The following NFATC3 variants were observed in gnomAD, a reference collection of about 807,000 sequenced individuals.
The protein encoded by NFATC3 is nuclear factor of activated T cells 3.
A neutral mutation model predicts 98.6 loss-of-function variants in NFATC3; 46 were observed. That is an observed-to-expected ratio of 0.47 (90% CI 0.37 to 0.60). The LOEUF (loss-of-function observed/expected upper bound fraction) is 0.60, where lower values mean the gene tolerates loss of function less well. Among genes scored for constraint, NFATC3 ranks in the 20% least tolerant of loss-of-function variants. The probability of loss-of-function intolerance (pLI) is 0.00; values close to 1 mark genes in which losing one functional copy is unlikely to be tolerated. For synonymous variants in NFATC3, 512 were observed against 472.2 expected, an observed-to-expected ratio of 1.08 and a Z score of -1.09; for missense variants, 1,256 against 1,295.5, an observed-to-expected ratio of 0.97 and a Z score of 0.47.
chr16:68,168,053 C>T (rs1008321218), intron 5 of NFATC3, among the ~76,000 whole-genome samples: 6 of 151,648 alleles, frequency 4.0e-5, no homozygotes, highest in African/African-American at 9.7e-5. Context: ...AGGCTGCCCT[C>T]GAAATCCTGA....
intron 3 of NFATC3, chr16:68,138,679 G>A (rs1298500938): frequency 3.9e-6 from 5 of 1,284,022 alleles, no homozygotes; most frequent in Non-Finnish European, 5.1e-6. Context: ...TAGTCACATG[G>A]CCCTACTTAC....
intron 4 of NFATC3, among the ~76,000 whole-genome samples, chr16:68,163,220 G>T (rs1183160646): frequency 6.6e-6 from 1 of 151,910 alleles, no homozygotes; most frequent in Admixed American, 6.6e-5. Context: ...AACCGCCATT[G>T]TCATCATGGC....
chr16:68,183,876 G>A (rs1399959107), intron 8 of NFATC3, among the ~76,000 whole-genome samples: 2 of 151,920 alleles, frequency 1.3e-5, no homozygotes, highest in East Asian at 1.9e-4. Flanking sequence ...GTGTGGTGGT[G>A]CATTCCTGTC....
At chr16:68,162,417 T>G (rs1300877440) in intron 4 of NFATC3, among the ~76,000 whole-genome samples, 1 of 152,132 alleles carries the variant, frequency 6.6e-6, no homozygotes, top group African/African-American at 2.4e-5. Flanking sequence ...GGTTTAAAAT[T>G]CCCAGGTGAT....
intron 1 of NFATC3, among the ~76,000 whole-genome samples, chr16:68,091,510 T>C (rs1056979658): frequency 6.6e-6 from 1 of 152,252 alleles, no homozygotes; most frequent in Non-Finnish European, 1.5e-5. Context: ...AAGTCATAAA[T>C]AGTGATATAT....
intron 3 of NFATC3, among the ~76,000 whole-genome samples, chr16:68,135,535 AAT>A (rs908412457): frequency 7.9e-5 from 12 of 151,930 alleles, no homozygotes; most frequent in Admixed American, 1.3e-4. Flanking sequence ...ATAAATTTAA[AAT>A]AGTCTTTAAT....
chr16:68,123,603 C>T (rs2036665026), intron 2 of NFATC3, among the ~76,000 whole-genome samples: 1 of 151,628 alleles, frequency 6.6e-6, no homozygotes. Flanking sequence ...AACTTCAAGG[C>T]TGCAGTGAAA....
At chr16:68,153,822 C>G (rs1398018544) in intron 3 of NFATC3, among the ~76,000 whole-genome samples, 1 of 152,034 alleles carries the variant, frequency 6.6e-6, no homozygotes, top group African/African-American at 2.4e-5. Flanking sequence ...ACCGTGTTAG[C>G]CAGGATGGTC....
At chr16:68,099,266 T>A (rs923793747) in intron 1 of NFATC3, among the ~76,000 whole-genome samples, 1 of 151,990 alleles carries the variant, frequency 6.6e-6, no homozygotes, top group African/African-American at 2.4e-5. Context: ...AAACCCTGTC[T>A]CTACTAAAAA....
At chr16:68,106,200 T>A (rs1399259146) in intron 1 of NFATC3, among the ~76,000 whole-genome samples, 1 of 152,134 alleles carries the variant, frequency 6.6e-6, no homozygotes. Context: ...ATCATAGTAT[T>A]CTTACATATA....
At chr16:68,096,844 A>G (rs545096792) in intron 1 of NFATC3, among the ~76,000 whole-genome samples, 2 of 152,324 alleles carry the variant, frequency 1.3e-5, no homozygotes, top group South Asian at 4.1e-4. Context: ...AGAGGGACAG[A>G]CTATTATACT....
intron 4 of NFATC3, among the ~76,000 whole-genome samples, chr16:68,163,633 T>C (rs1212144525): frequency 1.3e-5 from 2 of 148,668 alleles, no homozygotes; most frequent in Non-Finnish European, 3.0e-5. Flanking sequence ...GATGGGCTCC[T>C]CACTTCTCAG....
At chr16:68,209,863 A>G in intron 9 of NFATC3, 1 of 309,792 alleles carries the variant, frequency 3.2e-6, no homozygotes, top group South Asian at 2.6e-5. Context: ...ACACACACAC[A>G]CACACTCACA....
chr16:68,124,010 C>A (rs947971420), intron 2 of NFATC3, among the ~76,000 whole-genome samples: 3 of 151,862 alleles, frequency 2.0e-5, no homozygotes, highest in Non-Finnish European at 2.9e-5. Flanking sequence ...AAAAAAAGAA[C>A]CTATTAATTA....
chr16:68,178,978 GCCAGTCTTTCCAA>G (rs1204717602), intron 6 of NFATC3, among the ~76,000 whole-genome samples: 1 of 152,134 alleles, frequency 6.6e-6, no homozygotes, highest in African/African-American at 2.4e-5. Context: ...ATAATCTGCT[GCCAGTCTTTCCAA>G]CCCTCTTTCT....
intron 4 of NFATC3, among the ~76,000 whole-genome samples, chr16:68,159,428 T>C (rs1421933123): frequency 6.6e-6 from 1 of 151,150 alleles, no homozygotes; most frequent in Admixed American, 6.6e-5. Flanking sequence ...TTTATATTTT[T>C]ATTTATTTTT....
At chr16:68,169,698 T>C (rs2039370042) in intron 5 of NFATC3, among the ~76,000 whole-genome samples, 1 of 151,936 alleles carries the variant, frequency 6.6e-6, no homozygotes, top group African/African-American at 2.4e-5. Flanking sequence ...CCCAGCACTT[T>C]GGGAGGCCAA....
At chr16:68,195,625 G>A (rs1479909977) in intron 9 of NFATC3, among the ~76,000 whole-genome samples, 8 of 151,994 alleles carry the variant, frequency 5.3e-5, no homozygotes, top group South Asian at 2.1e-4. Flanking sequence ...TGGCTAACAC[G>A]GTGAAACCCC....
At chr16:68,093,741 A>G (rs1264684229) in intron 1 of NFATC3, among the ~76,000 whole-genome samples, 1 of 152,204 alleles carries the variant, frequency 6.6e-6, no homozygotes, top group African/African-American at 2.4e-5. Context: ...GGATTTGACC[A>G]TCTAGAAAGT....
Sources: allele counts gnomAD v4.1 joint callset (sites outside exome capture counted in the v4.1 genomes callset), GRCh38; gene constraint gnomAD v4.1.1; transcripts MANE v1.5; gene names NCBI Gene and HGNC (gene_info 2026-07-23, HGNC 2026-07-21).